Variants in TMEM132D observed in about 807,000 individuals in gnomAD.
TMEM132D encodes the protein transmembrane protein 132D, also known as mature OL transmembrane protein.
In TMEM132D, 21 loss-of-function variants were observed where a neutral mutation model predicts 62.3. The observed-to-expected ratio is 0.34, with a 90% confidence interval of 0.24 to 0.49. The LOEUF (loss-of-function observed/expected upper bound fraction) is 0.49. Ranked by LOEUF, TMEM132D falls within the 20% of genes least tolerant of loss-of-function variation. The pLI, the probability that TMEM132D is intolerant of heterozygous loss-of-function variation, is 0.99. For synonymous variants in TMEM132D, 621 were observed against 575.6 expected (o/e 1.08, Z -1.13); for missense variants, 1,346 against 1,402.8 (o/e 0.96, Z 0.65).
chr12:129,201,810 G>A (rs1191687300), intron 5 of TMEM132D, among the ~76,000 whole-genome samples: 1 of 152,120 alleles, frequency 6.6e-6, no homozygotes, highest in Non-Finnish European at 1.5e-5. Flanking sequence ...GAGAGGAAGA[G>A]AGGGGATGTT....
chr12:129,887,068 C>T (rs1874771903), intron 1 of TMEM132D, among the ~76,000 whole-genome samples: 1 of 152,166 alleles, frequency 6.6e-6, no homozygotes, highest in African/African-American at 2.4e-5. Context: ...GACTAATACA[C>T]TCTTGTATTT....
chr12:129,368,758 C>A (rs1487949264), intron 3 of TMEM132D, among the ~76,000 whole-genome samples: 2 of 150,146 alleles, frequency 1.3e-5, no homozygotes, highest in Non-Finnish European at 3.0e-5. Context: ...AAGTTGTCAA[C>A]CTTTCCACCA....
intron 2 of TMEM132D, among the ~76,000 whole-genome samples, chr12:129,678,605 T>C (rs1880698206): frequency 6.6e-6 from 1 of 152,128 alleles, no homozygotes; most frequent in South Asian, 2.1e-4. Context: ...TTACGGTTTG[T>C]CTTTGATTTA....
intron 3 of TMEM132D, among the ~76,000 whole-genome samples, chr12:129,399,062 G>A (rs1274671971): frequency 6.6e-6 from 1 of 150,920 alleles, no homozygotes; most frequent in Non-Finnish European, 1.5e-5. Flanking sequence ...GGGCAAAGGA[G>A]CACACACATG....
intron 3 of TMEM132D, among the ~76,000 whole-genome samples, chr12:129,444,633 C>A (rs904855636): frequency 2.0e-5 from 3 of 152,116 alleles, no homozygotes; most frequent in Admixed American, 2.0e-4. Context: ...CTCTGACAGG[C>A]CCCAGTTGTG....
chr12:129,175,578 C>T (rs1329566133), intron 5 of TMEM132D, among the ~76,000 whole-genome samples: 2 of 152,194 alleles, frequency 1.3e-5, no homozygotes, highest in African/African-American at 2.4e-5. Flanking sequence ...CATGGTGGCA[C>T]ATGCCTGTAA....
At chr12:129,777,199 G>A (rs929622427) in intron 1 of TMEM132D, among the ~76,000 whole-genome samples, 18 of 152,158 alleles carry the variant, frequency 1.2e-4, no homozygotes, top group African/African-American at 3.9e-4. Flanking sequence ...GCGGTGGTCT[G>A]ATACCACAAA....
At chr12:129,168,830 G>A (rs1365995061) in intron 5 of TMEM132D, among the ~76,000 whole-genome samples, 2 of 152,108 alleles carry the variant, frequency 1.3e-5, no homozygotes, top group Non-Finnish European at 2.9e-5. Context: ...ATCACCCTTG[G>A]TTGAGAACCG....
chr12:129,115,505 C>A (rs1875867425), intron 5 of TMEM132D, among the ~76,000 whole-genome samples: 1 of 152,180 alleles, frequency 6.6e-6, no homozygotes, highest in Non-Finnish European at 1.5e-5. Flanking sequence ...GGCTATAAAT[C>A]TCTTACTAAA....
chr12:129,392,802 C>T (rs1320394823), intron 3 of TMEM132D, among the ~76,000 whole-genome samples: 1 of 152,164 alleles, frequency 6.6e-6, no homozygotes, highest in Non-Finnish European at 1.5e-5. Context: ...TGCACTACAC[C>T]CAATATGGCA....
At chr12:129,490,284 A>AAACTATTCAGTTTAGATGTC (rs1361116112) in intron 3 of TMEM132D, among the ~76,000 whole-genome samples, 1 of 152,194 alleles carries the variant, frequency 6.6e-6, no homozygotes, top group Admixed American at 6.5e-5. Flanking sequence ...AATATTTGCC[A>AAACTATTCAGTTTAGATGTC]AACTATTCAG....
At chr12:129,158,580 A>T (rs559359911) in intron 5 of TMEM132D, among the ~76,000 whole-genome samples, 14 of 152,204 alleles carry the variant, frequency 9.2e-5, no homozygotes, top group Admixed American at 9.2e-4. Flanking sequence ...AAAATCCCTC[A>T]GGGCATCCTG....
intron 4 of TMEM132D, among the ~76,000 whole-genome samples, chr12:129,285,252 C>T (rs1379435784): frequency 6.6e-6 from 1 of 151,624 alleles, no homozygotes; most frequent in Non-Finnish European, 1.5e-5. Flanking sequence ...GGTGTGGTGG[C>T]TCACGCCTGT....
intron 5 of TMEM132D, among the ~76,000 whole-genome samples, chr12:129,148,651 T>C (rs1201292903): frequency 5.3e-5 from 8 of 152,200 alleles, no homozygotes; most frequent in African/African-American, 1.9e-4. Flanking sequence ...GATGATAACT[T>C]TGTGCATTTT....
At chr12:129,461,258 G>C (rs1873658253) in intron 3 of TMEM132D, among the ~76,000 whole-genome samples, 1 of 152,122 alleles carries the variant, frequency 6.6e-6, no homozygotes, top group Non-Finnish European at 1.5e-5. Context: ...CCAGAAAGAT[G>C]ACAAGAGCCA....
chr12:129,412,223 T>C (rs1871986985), intron 3 of TMEM132D, among the ~76,000 whole-genome samples: 1 of 152,104 alleles, frequency 6.6e-6, no homozygotes, highest in African/African-American at 2.4e-5. Flanking sequence ...TGACGGGATA[T>C]GATGGGGTTG....
chr12:129,862,955 G>A (rs1873943474), intron 1 of TMEM132D, among the ~76,000 whole-genome samples: 1 of 152,076 alleles, frequency 6.6e-6, no homozygotes, highest in African/African-American at 2.4e-5. Context: ...GAACGGCCCT[G>A]GCTGGTGCAG....
chr12:129,297,175 C>T (rs1458287179), intron 4 of TMEM132D, among the ~76,000 whole-genome samples: 1 of 152,156 alleles, frequency 6.6e-6, no homozygotes, highest in Non-Finnish European at 1.5e-5. Context: ...AGTTTGTTGC[C>T]ACAGTAGCAG....
At chr12:129,708,124 G>A (rs1881548891) in intron 1 of TMEM132D, among the ~76,000 whole-genome samples, 1 of 152,082 alleles carries the variant, frequency 6.6e-6, no homozygotes, top group African/African-American at 2.4e-5. Flanking sequence ...GGCTGAGGTG[G>A]GAGAATGGCT....
Sources: allele counts gnomAD v4.1 joint callset (sites outside exome capture counted in the v4.1 genomes callset), GRCh38; gene constraint gnomAD v4.1.1; transcripts MANE v1.5; gene names NCBI Gene and HGNC (gene_info 2026-07-23, HGNC 2026-07-21).